The following NBEA variants were observed in gnomAD, a reference collection of about 807,000 sequenced individuals.
NBEA encodes the protein neurobeachin, also known as lysosomal-trafficking regulator 2.
Under a neutral mutation model 343.4 loss-of-function variants are expected in NBEA, and 44 were observed. The observed-to-expected ratio is 0.13, with a 90% confidence interval of 0.10 to 0.16. NBEA has a LOEUF of 0.16. Ranked by LOEUF, NBEA falls within the 10% of genes least tolerant of loss-of-function variation. The pLI is 1.00. For missense variants in NBEA, 2,555 were observed against 3,631.3 expected (o/e 0.70, Z 7.62); for synonymous variants, 1,175 against 1,238.7 (o/e 0.95, Z 1.08).
intron 38 of NBEA, among the ~76,000 whole-genome samples, chr13:35,407,077 A>G (rs187683624): frequency 2.9e-4 from 44 of 149,998 alleles, no homozygotes; most frequent in African/African-American, 1.0e-3. Flanking sequence ...CTCCTGCCTC[A>G]GCCTCCCAGG....
intron 45 of NBEA, among the ~76,000 whole-genome samples, chr13:35,577,164 A>G (rs1304048280): frequency 6.6e-6 from 1 of 152,178 alleles, no homozygotes; most frequent in East Asian, 1.9e-4. Flanking sequence ...TTTCCCAGAT[A>G]GTTGCAGCAA....
At chr13:35,350,736 G>A (rs1280985828) in intron 37 of NBEA, among the ~76,000 whole-genome samples, 2 of 73,822 alleles carry the variant, frequency 2.7e-5, no homozygotes, top group African/African-American at 1.9e-4. Flanking sequence ...TGATGTGTGT[G>A]TGTGTGTGTG....
intron 1 of NBEA, among the ~76,000 whole-genome samples, chr13:34,998,011 A>G (rs1292578037): frequency 6.6e-6 from 1 of 152,158 alleles, no homozygotes; most frequent in African/African-American, 2.4e-5. Context: ...CTATTGGGCA[A>G]AATTCACCCC....
Position 35,490,625 on chromosome 13 carries a change from AT to A in NBEA, c.6585+18096del, listed in dbSNP as rs1489472539. ...GGAACTTGATGAAAAGTTGCAGGTC[AT>A]TTTTTTAAGAACATTTTTACATCTT... On this transcript the variant is annotated intron_variant, in intron 41 of 58. Coordinates refer to ENST00000379939, the MANE Select transcript of NBEA (RefSeq NM_001385012.1). Among the ~76,000 whole-genome samples, 7 of 152,076 alleles carry A rather than the reference AT, an allele frequency of 4.6e-5. No homozygotes were observed. In the East Asian group the frequency reaches 9.7e-4, roughly 21 times the overall value.
intron 41 of NBEA, among the ~76,000 whole-genome samples, chr13:35,493,286 T>G (rs774443462): frequency 4.6e-5 from 7 of 152,070 alleles, no homozygotes; most frequent in African/African-American, 1.2e-4. Flanking sequence ...ATGAAATCCT[T>G]TGTAGCCTAA....
chr13:34,958,033 GTTAAAAAATATATC>G (rs898008143), intron 1 of NBEA, among the ~76,000 whole-genome samples: 38 of 151,968 alleles, frequency 2.5e-4, no homozygotes, highest in African/African-American at 7.2e-4. Flanking sequence ...CAAAGACTTA[GTTAAAAAATATATC>G]TTATTAATAA....
At chr13:35,022,656 T>G (rs2061887044) in intron 1 of NBEA, among the ~76,000 whole-genome samples, 1 of 152,088 alleles carries the variant, frequency 6.6e-6, no homozygotes, top group African/African-American at 2.4e-5. Context: ...AATATATATG[T>G]CTTGGGCATG....
intron 41 of NBEA, among the ~76,000 whole-genome samples, chr13:35,527,486 G>A (rs961843709): frequency 5.9e-5 from 9 of 152,096 alleles, no homozygotes; most frequent in Non-Finnish European, 1.3e-4. Flanking sequence ...GGTGCATGTC[G>A]GGTTGCCTTC....
intron 34 of NBEA, among the ~76,000 whole-genome samples, chr13:35,254,661 CT>C (rs2032380129): frequency 6.6e-6 from 1 of 151,988 alleles, no homozygotes; most frequent in Admixed American, 6.6e-5. Context: ...ATATACAATA[CT>C]TTAATTTTGT....
chr13:35,464,063 A>G (rs1042511539), intron 40 of NBEA, among the ~76,000 whole-genome samples: 2 of 152,166 alleles, frequency 1.3e-5, no homozygotes, highest in Non-Finnish European at 2.9e-5. Flanking sequence ...TTTCCAAAAT[A>G]TGAATTCTTC....
At chr13:35,323,654 T>C (rs1223851470) in intron 36 of NBEA, among the ~76,000 whole-genome samples, 1 of 151,790 alleles carries the variant, frequency 6.6e-6, no homozygotes, top group Non-Finnish European at 1.5e-5. Context: ...ACATGGCACA[T>C]GTATACATAT....
intron 41 of NBEA, among the ~76,000 whole-genome samples, chr13:35,550,214 A>T (rs2079251602): frequency 6.6e-6 from 1 of 152,058 alleles, no homozygotes; most frequent in Non-Finnish European, 1.5e-5. Context: ...TATATACAAG[A>T]CCCAAAAGTG....
intron 1 of NBEA, among the ~76,000 whole-genome samples, chr13:35,017,145 G>T (rs1254756407): frequency 2.0e-5 from 3 of 152,026 alleles, no homozygotes; most frequent in African/African-American, 2.4e-5. Flanking sequence ...AAAAAGTGGT[G>T]ATCTAGTGTA....
chr13:34,994,226 AGTTCT>A (rs2060862944), intron 1 of NBEA, among the ~76,000 whole-genome samples: 2 of 145,916 alleles, frequency 1.4e-5, no homozygotes, highest in Admixed American at 6.7e-5. Context: ...AAAAAAAAAA[AGTTCT>A]ATAAGAAAAA....
intron 17 of NBEA, among the ~76,000 whole-genome samples, chr13:35,126,960 A>T (rs1162997959): frequency 6.6e-6 from 1 of 151,946 alleles, no homozygotes; most frequent in Non-Finnish European, 1.5e-5. Context: ...AATGGCATAA[A>T]TGGAGTTCCC....
chr13:35,486,289 A>G (rs2076299820), intron 41 of NBEA, among the ~76,000 whole-genome samples: 1 of 152,100 alleles, frequency 6.6e-6, no homozygotes, highest in South Asian at 2.1e-4. Flanking sequence ...ACCTATACTT[A>G]CATGGATTAT....
intron 38 of NBEA, among the ~76,000 whole-genome samples, chr13:35,400,196 TAAAA>T (rs71081251): frequency 0.24 from 18,413 of 78,066 alleles, 1,773 homozygotes; most frequent in East Asian, 0.44. Context: ...CTTCAATTTG[TAAAA>T]AAAAAAAAAA....
intron 38 of NBEA, among the ~76,000 whole-genome samples, chr13:35,408,004 A>C (rs2152913864): frequency 6.6e-6 from 1 of 152,322 alleles, no homozygotes; most frequent in Middle Eastern, 3.4e-3. Context: ...AGAACTAGAA[A>C]AAACTATTTT....
chr13:35,177,917 A>G (rs974469778), intron 28 of NBEA, among the ~76,000 whole-genome samples: 1 of 151,780 alleles, frequency 6.6e-6, no homozygotes, highest in African/African-American at 2.4e-5. Context: ...AAATATATTT[A>G]GGTTATATAA....
Sources: gnomAD v4.1 joint callset for allele counts (sites outside exome capture counted in the v4.1 genomes callset) on GRCh38, gnomAD v4.1.1 for gene constraint, MANE v1.5 for transcripts, NCBI Gene and HGNC (gene_info 2026-07-23, HGNC 2026-07-21) for gene names.